Variants in XPNPEP3 observed in about 807,000 individuals in gnomAD.
XPNPEP3 encodes X-prolyl aminopeptidase 3.
A neutral mutation model predicts 60.0 loss-of-function variants in XPNPEP3; 41 were observed. The observed-to-expected ratio is 0.68, with a 90% CI of 0.53 to 0.89. The LOEUF (loss-of-function observed/expected upper bound fraction) is 0.89, where lower values mean the gene tolerates loss of function less well. Among genes scored for constraint, XPNPEP3 ranks in the 40% least tolerant of loss-of-function variants. The pLI is 0.00. For synonymous variants in XPNPEP3, 212 were observed against 223.2 expected (o/e 0.95, Z 0.45); for missense variants, 598 against 638.9 (o/e 0.94, Z 0.69).
intron 2 of XPNPEP3, among the ~76,000 whole-genome samples, chr22:40,871,425 GTTTCTC>G (rs930844281): frequency 8.5e-5 from 13 of 152,096 alleles, no homozygotes; most frequent in African/African-American, 3.1e-4. Context: ...TGTGCACTTG[GTTTCTC>G]CAAAAGGTTT....
intron 4 of XPNPEP3, among the ~76,000 whole-genome samples, chr22:40,889,429 A>G (rs2058081068): frequency 2.6e-5 from 4 of 152,230 alleles, no homozygotes. Flanking sequence ...TTAGCACAAC[A>G]GTTCACTCTA....
chr22:40,874,435 G>GTT (rs140791860), intron 2 of XPNPEP3, among the ~76,000 whole-genome samples: 8 of 151,490 alleles, frequency 5.3e-5, no homozygotes, highest in Admixed American at 2.0e-4. Flanking sequence ...TTTTGTTTTT[G>GTT]TTTTTTTTGA....
At chr22:40,867,555 T>G (rs2057984641) in intron 1 of XPNPEP3, among the ~76,000 whole-genome samples, 1 of 151,648 alleles carries the variant, frequency 6.6e-6, no homozygotes, top group African/African-American at 2.4e-5. Context: ...AAGAAATTGG[T>G]GTGGGTTTCC....
intron 4 of XPNPEP3, among the ~76,000 whole-genome samples, chr22:40,894,193 T>C (rs1286198185): frequency 6.6e-6 from 1 of 152,140 alleles, no homozygotes; most frequent in African/African-American, 2.4e-5. Flanking sequence ...CAAGACTCCG[T>C]TTCTTAAGAA....
Position 40,931,643 on chromosome 22 carries a change from G to GCT in XPNPEP3, c.*5208_*5209insCT, listed in dbSNP as rs2058255105. ...GTGGGAGGATCGCTTGAGCTTAGGAGGTCAAGGCTGCAGTGAGCCATGATT... is the reference window on the plus strand; with the variant it reads ...GTGGGAGGATCGCTTGAGCTTAGGAGCTGTCAAGGCTGCAGTGAGCCATGATT... On this transcript the variant is annotated 3_prime_UTR_variant, in exon 10 of 10. Coordinates refer to ENST00000357137, the MANE Select transcript of XPNPEP3 (RefSeq NM_022098.4). 6.6e-6 allele frequency: 1 copy of GCT among 152,148 alleles called. No individual in the cohort carries two copies. The highest frequency in any genetic ancestry group is 2.4e-5 in the African/African-American group (1 of 41,422). 9.4% of individuals were successfully genotyped at this position (152,148 alleles called of 1,614,324 possible).
chr22:40,865,742 G>T (rs549036514), intron 1 of XPNPEP3, among the ~76,000 whole-genome samples: 1 of 151,396 alleles, frequency 6.6e-6, no homozygotes, highest in Admixed American at 6.6e-5. Flanking sequence ...TGTTGGCCAG[G>T]CTGGTCCCGA....
intron 1 of XPNPEP3, chr22:40,861,149 G>C: frequency 6.2e-7 from 1 of 1,613,984 alleles, no homozygotes; most frequent in Non-Finnish European, 8.5e-7. Flanking sequence ...CTCCTGCTGA[G>C]AAAATAGGGG....
chr22:40,908,975 A>G, intron 5 of XPNPEP3, 147 bp from the exon 6 acceptor site: 1 of 705,624 alleles, frequency 1.4e-6, no homozygotes, highest in East Asian at 2.7e-5. Flanking sequence ...AAATTACAGC[A>G]TAAAAGGTTT....
At chr22:40,903,201 A>G (rs1173541414) in intron 4 of XPNPEP3, among the ~76,000 whole-genome samples, 1 of 152,232 alleles carries the variant, frequency 6.6e-6, no homozygotes, top group Non-Finnish European at 1.5e-5. Flanking sequence ...AGCTCAGGCT[A>G]ATTTCAGACC....
chr22:40,926,581 T>C lies in XPNPEP3; in HGVS notation c.*146T>C. On this transcript the variant is annotated 3_prime_UTR_variant, in exon 10 of 10. Coordinates refer to ENST00000357137, the MANE Select transcript of XPNPEP3 (RefSeq NM_022098.4). Reference sequence around the variant, plus strand: ...GCAGCTGTGTGAATGTATGTAATTGTGTGTGGGGGGTTTTTTGTTTTAAGT... The same window carrying C: ...GCAGCTGTGTGAATGTATGTAATTGCGTGTGGGGGGTTTTTTGTTTTAAGT... 2.8e-6 allele frequency: 3 copies of C among 1,065,958 alleles called. No homozygotes were observed. The highest frequency in any genetic ancestry group is 4.3e-6 in the Non-Finnish European group (3 of 702,100). The allele number at this position is 1,065,958 out of a possible 1,614,324, so 66.0% of individuals were successfully genotyped here.
intron 9 of XPNPEP3, among the ~76,000 whole-genome samples, 159 bp downstream of exon 9, chr22:40,924,641 A>G (rs1216118895): frequency 2.7e-5 from 4 of 150,800 alleles, no homozygotes; most frequent in African/African-American, 7.3e-5. Flanking sequence ...TCCTGCCTCA[A>G]CCTCCTGAGT....
At chr22:40,867,325 C>T (rs1369980270) in intron 1 of XPNPEP3, among the ~76,000 whole-genome samples, 1 of 152,168 alleles carries the variant, frequency 6.6e-6, no homozygotes, top group Non-Finnish European at 1.5e-5. Flanking sequence ...TTGCCGCTCA[C>T]TAGGTCCTCT....
chr22:40,923,821 C>T (rs1420417496), intron 8 of XPNPEP3, among the ~76,000 whole-genome samples: 1 of 152,022 alleles, frequency 6.6e-6, no homozygotes, highest in Non-Finnish European at 1.5e-5. Flanking sequence ...CACTGCACTC[C>T]AGCCTGGGCA....
chr22:40,901,185 T>C (rs1333728179), intron 4 of XPNPEP3, among the ~76,000 whole-genome samples: 2 of 150,728 alleles, frequency 1.3e-5, no homozygotes, highest in African/African-American at 4.9e-5. Context: ...AGAGAAAATA[T>C]TTGCAAATCA....
Position 40,924,427 on chromosome 22 carries a change from A to G in XPNPEP3, c.1302A>G (p.Pro434=). ...HYLGMDVHDT[P]DMPRSLPLQP... ...TCGGGATGGATGTCCATGACACTCC[A>G]GACATGCCCCGTTCCCTCCCTCTGC... is the stretch of plus-strand genomic sequence containing the variant. Residue 434 remains proline (P), a synonymous_variant, in exon 9 of 10, where the codon CCA becomes CCG. Coordinates refer to ENST00000357137, the MANE Select transcript of XPNPEP3 (RefSeq NM_022098.4). 1 of 1,614,204 alleles carries G rather than the reference A, an allele frequency of 6.2e-7. No homozygotes were observed. Among genetic ancestry groups the G allele is most frequent in the Middle Eastern group, 1.6e-4 (1 of 6,062 alleles).
intron 4 of XPNPEP3, among the ~76,000 whole-genome samples, chr22:40,896,414 C>G (rs1475481898): frequency 6.6e-6 from 1 of 151,820 alleles, no homozygotes; most frequent in African/African-American, 2.4e-5. Context: ...GCCTGCAATC[C>G]CAGCACTCTG....
Position 40,924,373 on chromosome 22 carries a change from A to G in XPNPEP3, c.1248A>G (p.Lys416=). ...KENNAFKAAR[K]YCPHHVGHYL... The stretch of plus-strand genomic sequence containing the variant: ...ATTATCTTTTCCAGGCTGCTCGAAA[A>G]TACTGTCCTCATCATGTTGGCCACT... The change falls in exon 9 of 10, where the codon AAA becomes AAG. Residue 416 remains lysine, a synonymous_variant. Coordinates refer to ENST00000357137, the MANE Select transcript of XPNPEP3 (RefSeq NM_022098.4). The G allele has an allele frequency of 6.2e-7, 1 of 1,614,106 alleles. No individual in the cohort carries two copies.
At chr22:40,925,836 A>ATT (rs1476990162) in intron 9 of XPNPEP3, among the ~76,000 whole-genome samples, 2 of 152,156 alleles carry the variant, frequency 1.3e-5, no homozygotes, top group Non-Finnish European at 2.9e-5. Flanking sequence ...GTTTAAATAT[A>ATT]TTTTGTCTTT....
At chr22:40,883,763 T>C (rs534701183) in intron 3 of XPNPEP3, among the ~76,000 whole-genome samples, 27 of 152,342 alleles carry the variant, frequency 1.8e-4, no homozygotes, top group Admixed American at 4.6e-4. Flanking sequence ...CTGGGAATTT[T>C]TTCAGAACCT....
Sources: gnomAD v4.1 joint callset for allele counts (sites outside exome capture counted in the v4.1 genomes callset) on GRCh38, gnomAD v4.1.1 for gene constraint, MANE v1.5 for transcripts, NCBI Gene and HGNC (gene_info 2026-07-23, HGNC 2026-07-21) for gene names.